NCOR2: variants seen among roughly 807,000 people sequenced by gnomAD.
NCOR2 encodes CTG repeat protein 26.
NCOR2 carries 81 observed loss-of-function variants against 262.9 expected under a neutral mutation model. The ratio of observed to expected loss-of-function variants is 0.31; its 90% CI spans 0.26 to 0.37. The LOEUF (loss-of-function observed/expected upper bound fraction) is 0.37. Ranked by LOEUF, NCOR2 falls within the 10% of genes least tolerant of loss-of-function variation. The pLI is 1.00. For missense variants in NCOR2, 3,385 were observed against 3,621.4 expected, an observed-to-expected ratio of 0.93 and a Z score of 1.68; for synonymous variants, 1,659 against 1,559.3, an observed-to-expected ratio of 1.06 and a Z score of -1.51.
chr12:124,404,426 C>A (rs1035253594), intron 13 of NCOR2, among the ~76,000 whole-genome samples: 2 of 152,332 alleles, frequency 1.3e-5, no homozygotes, highest in East Asian at 3.9e-4. Context: ...GCGTCCCTCC[C>A]GATGGGAGCA....
At chr12:124,520,195 A>G (rs1422686931) in intron 1 of NCOR2, among the ~76,000 whole-genome samples, 3 of 152,158 alleles carry the variant, frequency 2.0e-5, no homozygotes, top group Non-Finnish European at 2.9e-5. Context: ...CCAAAGCCAA[A>G]GGTGGGATTC....
At chr12:124,332,537 T>C in intron 42 of NCOR2, 70 bp from the exon 45 acceptor site, 2 of 1,599,582 alleles carry the variant, frequency 1.3e-6, no homozygotes, top group Non-Finnish European at 8.6e-7. Flanking sequence ...GATGGGGAAC[T>C]CACCACCTGA....
chr12:124,387,878 T>C (rs1485147310), intron 16 of NCOR2, among the ~76,000 whole-genome samples: 2 of 143,736 alleles, frequency 1.4e-5, no homozygotes, highest in Admixed American at 1.4e-4. Context: ...GGGGCGGGTC[T>C]CCCATCTGGG....
chr12:124,373,729 A>G (rs1236240014), intron 19 of NCOR2, among the ~76,000 whole-genome samples: 17 of 60,808 alleles, frequency 2.8e-4, no homozygotes, highest in Admixed American at 1.3e-3. Context: ...GTGCGTGCGC[A>G]GGGGCCCCGG....
intron 1 of NCOR2, among the ~76,000 whole-genome samples, chr12:124,560,605 G>A (rs767678449): frequency 1.2e-4 from 19 of 152,132 alleles, no homozygotes; most frequent in Non-Finnish European, 2.8e-4. Context: ...AATCAAACCT[G>A]AATATATGGC....
At chr12:124,420,429 C>T (rs1362543749) in intron 12 of NCOR2, among the ~76,000 whole-genome samples, 3 of 152,198 alleles carry the variant, frequency 2.0e-5, no homozygotes, top group African/African-American at 7.2e-5. Flanking sequence ...GGACTCCAGC[C>T]CACAGCCGGG....
chr12:124,474,427 A>G (rs1256477364), intron 3 of NCOR2, among the ~76,000 whole-genome samples: 1 of 152,142 alleles, frequency 6.6e-6, no homozygotes, highest in East Asian at 1.9e-4. Context: ...TGTTTTGAAA[A>G]TGTGCTTAAC....
At chr12:124,353,272 G>A (rs549126133) in intron 27 of NCOR2, among the ~76,000 whole-genome samples, 4 of 152,368 alleles carry the variant, frequency 2.6e-5, no homozygotes, top group African/African-American at 9.6e-5. Context: ...GCCGCTGCCT[G>A]TCTGAGTAGG....
chr12:124,553,259 A>G (rs768181756), intron 1 of NCOR2, among the ~76,000 whole-genome samples: 2 of 152,170 alleles, frequency 1.3e-5, no homozygotes, highest in Non-Finnish European at 2.9e-5. Flanking sequence ...CCGGGCAGAT[A>G]ATCTAGGATA....
rs1390803809 is a variant in NCOR2, at chr12:124,389,211, C to A, written c.1877-3324G>T. On this transcript the variant is annotated intron_variant, in intron 16 of 46. Transcript: ENST00000405201. This position sits in a 1 kb window ranked among gnomAD's most constrained non-coding sequence, Gnocchi z 4.4. ...GCAATGCCGGCCAGAGCCCACAGAC[C>A]CCCGGGCCGGGCAAAATCCAAGGAC... Among the ~76,000 whole-genome samples the A allele has an allele frequency of 1.3e-5, 2 of 152,252 alleles. No homozygotes were observed. The highest frequency in any genetic ancestry group is 2.9e-5 in the Non-Finnish European group (2 of 68,046).
intron 7 of NCOR2, among the ~76,000 whole-genome samples, chr12:124,438,919 A>G (rs1225523628): frequency 1.9e-4 from 3 of 15,736 alleles, no homozygotes; most frequent in African/African-American, 3.6e-4. Flanking sequence ...CCAGAGAGAG[A>G]GAGACGGAGA....
rs542402927 is a variant in NCOR2, at chr12:124,355,012, C to T, written c.3382-73G>A. 3.3e-5 allele frequency: 44 copies of T among 1,343,232 alleles called. No individual in the cohort carries two copies. In the African/African-American group the frequency reaches 6.4e-4, roughly 19 times the overall value. The allele number at this position is 1,343,232 out of a possible 1,614,324, so 83.2% of individuals were successfully genotyped here. ...CCACAGTCCAGAGTGCCTGACGCTC[C>T]TGTTCAAAAAGCCCACGTGTGGGTC... On this transcript the variant is annotated intron_variant, in intron 24 of 46. Transcript: ENST00000405201.
intron 27 of NCOR2, among the ~76,000 whole-genome samples, chr12:124,353,133 G>C (rs551375106): frequency 6.6e-6 from 1 of 152,250 alleles, no homozygotes; most frequent in African/African-American, 2.4e-5. Context: ...GTTCGAGGAA[G>C]GGCGCGGGTC....
Position 124,431,896 on chromosome 12 carries a change from C to T in NCOR2, c.883-1109G>A, listed in dbSNP as rs549098724. Reference sequence around the variant, plus strand: ...AGACACACACACACACATATATACACAGGCACATAAGTCACACAGCCAGCC... The same window carrying T: ...AGACACACACACACACATATATACATAGGCACATAAGTCACACAGCCAGCC... On this transcript the variant is annotated intron_variant, in intron 8 of 46. Transcript: ENST00000405201. Among the ~76,000 whole-genome samples the T allele has an allele frequency of 8.9e-4, 135 of 151,966 alleles. 1 individual carries two copies. The highest frequency in any genetic ancestry group is 1.4e-3 in the Non-Finnish European group (95 of 67,944).
intron 16 of NCOR2, among the ~76,000 whole-genome samples, chr12:124,390,088 C>T (rs943029331): frequency 6.6e-6 from 1 of 152,180 alleles, no homozygotes; most frequent in Non-Finnish European, 1.5e-5. Context: ...GGGCACGATG[C>T]CAGGGGAGGG....
rs150846690 is a variant in NCOR2 at position 124,546,370 on chromosome 12, C to T, written c.-164-10759G>A. 4.1e-3 allele frequency among the ~76,000 whole-genome samples: 625 copies of T among 152,298 alleles called. 4 individuals are homozygous for T. The highest frequency in any genetic ancestry group is 0.013 in the African/African-American group (529 of 41,554). ...TTCAGTATGGTGGTCTGAAAACAAA[C>T]GGAAAATTCCACAAATAAACAATTC... On this transcript the variant is annotated intron_variant, in intron 1 of 32. Transcript: ENST00000458234.
exon 32 of NCOR2, chr12:124,344,709 A>C: frequency 6.5e-7 from 1 of 1,536,840 alleles, no homozygotes; most frequent in Non-Finnish European, 8.8e-7. Context: ...GCCGCGGCTT[A>C]CCCAGCTCAG....
intron 7 of NCOR2, among the ~76,000 whole-genome samples, chr12:124,442,902 G>A (rs146569923): frequency 3.9e-5 from 6 of 152,290 alleles, no homozygotes; most frequent in Non-Finnish European, 5.9e-5. Flanking sequence ...GGGAGATGAC[G>A]CGAACAGACA....
intron 5 of NCOR2, among the ~76,000 whole-genome samples, chr12:124,462,155 G>A (rs766059243): frequency 3.3e-5 from 5 of 152,068 alleles, no homozygotes; most frequent in Non-Finnish European, 7.4e-5. Context: ...ACATCCACCC[G>A]TATACACACG....
Sources: gnomAD v4.1 joint callset for allele counts (sites outside exome capture counted in the v4.1 genomes callset) on GRCh38, gnomAD v4.1.1 for gene constraint, Gnocchi (gnomAD v3.1) non-coding constraint, MANE v1.5 for transcripts, NCBI Gene and HGNC (gene_info 2026-07-23, HGNC 2026-07-21) for gene names.